Variants in CLDN11 observed in about 807,000 individuals in gnomAD.
CLDN11 encodes the protein claudin-11.
In CLDN11, 1 loss-of-function variant was observed where a neutral mutation model predicts 18.0. The observed-to-expected ratio is 0.06, with a 90% confidence interval of 0.02 to 0.26. CLDN11 has a LOEUF of 0.26. Among genes scored for constraint, CLDN11 ranks in the 10% least tolerant of loss-of-function variants. CLDN11 has a pLI of 1.00. For synonymous variants in CLDN11, 116 were observed against 121.5 expected, an observed-to-expected ratio of 0.96 and a Z score of 0.30; for missense variants, 172 against 276.6, an observed-to-expected ratio of 0.62 and a Z score of 2.68.
intron 2 of CLDN11, among the ~76,000 whole-genome samples, chr3:170,424,924 T>C (rs1312339435): frequency 2.5e-5 from 1 of 39,346 alleles, no homozygotes; most frequent in Admixed American, 2.8e-4. Context: ...AGGGTGTGTG[T>C]GTGTGTGTGT....
intron 2 of CLDN11, among the ~76,000 whole-genome samples, chr3:170,424,772 G>T (rs747287933): frequency 2.0e-5 from 3 of 152,196 alleles, no homozygotes; most frequent in Non-Finnish European, 4.4e-5. Flanking sequence ...TTCTGTGTGG[G>T]TTGATGCCAC....
intron 2 of CLDN11, among the ~76,000 whole-genome samples, chr3:170,427,806 CAAA>C (rs1175282704): frequency 8.9e-5 from 5 of 56,078 alleles, no homozygotes; most frequent in Admixed American, 1.8e-4. Context: ...GAGACTGTCT[CAAA>C]AAAAAAAAAA....
chr3:170,426,156 G>A (rs982042657), intron 2 of CLDN11, among the ~76,000 whole-genome samples: 8 of 152,214 alleles, frequency 5.3e-5, no homozygotes, highest in South Asian at 2.1e-4. Context: ...ACTGGACACA[G>A]TGTCACAGCT....
At chr3:170,422,967 C>A (rs1487062912) in intron 1 of CLDN11, 196 bp from the exon 2 acceptor site, 1 of 602,278 alleles carries the variant, frequency 1.7e-6, no homozygotes, top group Non-Finnish European at 2.9e-6. Flanking sequence ...TTAGTTTCTC[C>A]AGCCCCCTTT....
In CLDN11 at chr3:170,423,160, C is replaced by T; in HGVS notation, c.227-3C>T. 1 of 1,614,226 alleles carries T rather than the reference C, an allele frequency of 6.2e-7. No individual in the cohort carries two copies. The highest frequency in any genetic ancestry group is 8.5e-7 in the Non-Finnish European group (1 of 1,180,038). On this transcript the variant is annotated splice_region_variant and splice_polypyrimidine_tract_variant and intron_variant, in intron 1 of 2. Transcript: ENST00000064724. Reference sequence around the variant, plus strand: ...CCTTTCCCATCTGCTCTCTTGTTCCCAGGCTACGTGCAGGCCTGCCGCGCC... The same window carrying T: ...CCTTTCCCATCTGCTCTCTTGTTCCTAGGCTACGTGCAGGCCTGCCGCGCC...
At chr3:170,420,158 T>C (rs1408595839) in intron 1 of CLDN11, among the ~76,000 whole-genome samples, 1 of 152,218 alleles carries the variant, frequency 6.6e-6, no homozygotes, top group Non-Finnish European at 1.5e-5. Context: ...AGGGGCCACA[T>C]TTTCACATGT....
rs547681714 is a variant in CLDN11, at chr3:170,434,609, C to T, written c.*1853C>T. On this transcript the variant is annotated 3_prime_UTR_variant, in exon 3 of 3. Coordinates refer to ENST00000064724, the MANE Select transcript of CLDN11 (RefSeq NM_005602.6). The stretch of plus-strand genomic sequence containing the variant: ...CTGTTCCAGAAACTTCATCAAGTTA[C>T]GGGCCTGGTCTAAGAAAACACATTG... Among the ~76,000 whole-genome samples, 533 of 152,274 alleles carry T rather than the reference C, an allele frequency of 3.5e-3. 1 individual carries two copies. Among genetic ancestry groups the T allele is most frequent in the Non-Finnish European group, 4.8e-3 (328 of 68,020 alleles).
At position 170,432,782 on chromosome 3, in the gene CLDN11, GTGCTGTAGA is replaced by G. The variant is rs565464428; in HGVS notation, c.*32_*40del. The G allele has an allele frequency of 3.7e-6, 6 of 1,607,994 alleles. No homozygotes were observed. In the East Asian group the frequency reaches 1.3e-4, roughly 36 times the overall value. Reference sequence around the variant, plus strand: ...GAGGGCTGCCCGGCTGCCCACAGAGGTGCTGTAGATGCTGGGCCCAGGGCCCTAGGTTTG... The same window carrying G: ...GAGGGCTGCCCGGCTGCCCACAGAGGTGCTGGGCCCAGGGCCCTAGGTTTG... On this transcript the variant is annotated 3_prime_UTR_variant, in exon 3 of 3. Transcript: ENST00000064724.
At chr3:170,420,961 A>G (rs1425244226) in intron 1 of CLDN11, among the ~76,000 whole-genome samples, 1 of 152,236 alleles carries the variant, frequency 6.6e-6, no homozygotes, top group Non-Finnish European at 1.5e-5. Flanking sequence ...CCTTTGAGAT[A>G]GTAGATGCTT....
intron 2 of CLDN11, 90 bp downstream of exon 2, chr3:170,423,417 A>G: frequency 6.8e-7 from 1 of 1,467,780 alleles, no homozygotes; most frequent in Non-Finnish European, 9.4e-7. Context: ...GTTCAAGAGA[A>G]ATGTGAAAGG....
Position 170,418,974 on chromosome 3 carries a change from C to T in CLDN11, c.-93C>T. ...CGGGCCGTCGCCCTCCAGCGGCTCGCGAGCGTGGGAGACGTACCTGGGCAG... is the reference window on the plus strand; with the variant it reads ...CGGGCCGTCGCCCTCCAGCGGCTCGTGAGCGTGGGAGACGTACCTGGGCAG... On this transcript the variant is annotated 5_prime_UTR_variant, in exon 1 of 3. Transcript: ENST00000064724. This position sits in a 1 kb window ranked among gnomAD's most constrained non-coding sequence, Gnocchi z 4.3. The T allele has an allele frequency of 2.1e-6, 2 of 968,220 alleles. No homozygotes were observed. Among genetic ancestry groups the T allele is most frequent in the Non-Finnish European group, 3.1e-6 (2 of 643,266 alleles). 60.0% of individuals were successfully genotyped at this position (968,220 alleles called of 1,614,324 possible). A position where few individuals can be genotyped will look rare whatever the true frequency, so the allele number is the denominator to read the frequency against.
rs560955847 is a variant in CLDN11 at position 170,419,819 on chromosome 3, C to G, written c.226+527C>G. On this transcript the variant is annotated intron_variant, in intron 1 of 2. Transcript: ENST00000064724. This position sits in a 1 kb window ranked among gnomAD's most constrained non-coding sequence, Gnocchi z 8.6. ...GGCCAGGTTAGAGCCCTCCTAGCTC[C>G]GTCCGCGCAGCCGCTGAGCAATTCA... is the stretch of plus-strand genomic sequence containing the variant. Among the ~76,000 whole-genome samples, 10 of 152,376 alleles carry G rather than the reference C, an allele frequency of 6.6e-5. No homozygotes were observed. Among genetic ancestry groups the G allele is most frequent in the African/African-American group, 2.4e-4 (10 of 41,594 alleles).
At chr3:170,431,830 T>A (rs1739009430) in intron 2 of CLDN11, among the ~76,000 whole-genome samples, 1 of 152,240 alleles carries the variant, frequency 6.6e-6, no homozygotes, top group Non-Finnish European at 1.5e-5. Flanking sequence ...ATTTGTGTGT[T>A]GGGATTTTGT....
intron 2 of CLDN11, among the ~76,000 whole-genome samples, chr3:170,424,023 C>CAAAAAAAA (rs58373106): frequency 5.0e-5 from 6 of 120,114 alleles, no homozygotes; most frequent in East Asian, 4.6e-4. Flanking sequence ...AGTGCAACTC[C>CAAAAAAAA]AAAAAAAAAA....
At chr3:170,431,028 G>A (rs1205099548) in intron 2 of CLDN11, among the ~76,000 whole-genome samples, 1 of 152,102 alleles carries the variant, frequency 6.6e-6, no homozygotes, top group African/African-American at 2.4e-5. Context: ...CAGCTTGTGG[G>A]GGTGGGCTTA....
At chr3:170,431,245 A>T (rs1395342538) in intron 2 of CLDN11, among the ~76,000 whole-genome samples, 3 of 152,224 alleles carry the variant, frequency 2.0e-5, no homozygotes, top group African/African-American at 7.2e-5. Flanking sequence ...AGTAGAAATC[A>T]GAAAAAAGCT....
At chr3:170,424,630 G>A (rs180976285) in intron 2 of CLDN11, among the ~76,000 whole-genome samples, 3 of 152,268 alleles carry the variant, frequency 2.0e-5, no homozygotes, top group African/African-American at 4.8e-5. Flanking sequence ...TGCAAAGTGC[G>A]CATATCAGTG....
intron 2 of CLDN11, chr3:170,423,598 T>C (rs1738773003): frequency 4.7e-6 from 2 of 424,616 alleles, no homozygotes; most frequent in Admixed American, 6.8e-5. Flanking sequence ...GGGAAAGACC[T>C]GAAAGATGGA....
chr3:170,431,570 C>T (rs1427895688), intron 2 of CLDN11, among the ~76,000 whole-genome samples: 1 of 152,164 alleles, frequency 6.6e-6, no homozygotes, highest in Non-Finnish European at 1.5e-5. Flanking sequence ...CTTGTGGCCA[C>T]TCCATTTGAC....
Sources: gnomAD v4.1 joint callset for allele counts (sites outside exome capture counted in the v4.1 genomes callset) on GRCh38, gnomAD v4.1.1 for gene constraint, Gnocchi (gnomAD v3.1) non-coding constraint, MANE v1.5 for transcripts, NCBI Gene and HGNC (gene_info 2026-07-23, HGNC 2026-07-21) for gene names.